Variants in EIF4E3 observed in about 807,000 individuals in gnomAD.
EIF4E3 encodes eukaryotic translation initiation factor 4E type 3.
EIF4E3 carries 26 observed loss-of-function variants against 31.7 expected under a neutral mutation model. The ratio of observed to expected loss-of-function variants is 0.82; its 90% CI spans 0.60 to 1.14. The LOEUF (loss-of-function observed/expected upper bound fraction) is 1.14. EIF4E3 is among the 50% of genes most tolerant of loss of function. The pLI is 0.00. For missense variants in EIF4E3, 304 were observed against 270.9 expected (o/e 1.12, Z -0.86); for synonymous variants, 128 against 107.7 (o/e 1.19, Z -1.17).
At chr3:71,752,126 T>G (rs2049935304) in intron 1 of EIF4E3, among the ~76,000 whole-genome samples, 1 of 152,166 alleles carries the variant, frequency 6.6e-6, no homozygotes, top group African/African-American at 2.4e-5. Context: ...ATATCCAAAC[T>G]GTCCCCAAGG....
chr3:71,665,221 T>C, the EIF4E3 span, among the ~76,000 whole-genome samples: 1 of 152,204 alleles, frequency 6.6e-6, no homozygotes, highest in South Asian at 2.1e-4. Context: ...AAAATTCAAA[T>C]ATGGAATAAA....
chr3:71,733,496 A>G (rs2049728526), intron 1 of EIF4E3, among the ~76,000 whole-genome samples: 1 of 152,192 alleles, frequency 6.6e-6, no homozygotes, highest in Admixed American at 6.5e-5. Context: ...CATATTTATG[A>G]CATAAGAAAT....
At chr3:71,713,290 C>A (rs1003154853) in intron 1 of EIF4E3, among the ~76,000 whole-genome samples, 1 of 152,160 alleles carries the variant, frequency 6.6e-6, no homozygotes, top group Non-Finnish European at 1.5e-5. Flanking sequence ...ATACAGGTGA[C>A]CCATTTGTGA....
At chr3:71,664,821 G>A in the EIF4E3 span, among the ~76,000 whole-genome samples, 1 of 152,288 alleles carries the variant, frequency 6.6e-6, no homozygotes, top group East Asian at 1.9e-4. Context: ...GTTGCAGTGA[G>A]CTGAGATCAC....
At chr3:71,692,804 A>T (rs889686895) in intron 5 of EIF4E3, among the ~76,000 whole-genome samples, 2 of 152,032 alleles carry the variant, frequency 1.3e-5, no homozygotes, top group Non-Finnish European at 2.9e-5. Context: ...TATGTTACGT[A>T]GGGTGGTTTT....
intron 6 of EIF4E3, among the ~76,000 whole-genome samples, chr3:71,687,258 T>A (rs1174353753): frequency 1.3e-5 from 2 of 152,162 alleles, no homozygotes; most frequent in Non-Finnish European, 2.9e-5. Flanking sequence ...TGCCTCGGCC[T>A]CCCAAAGTGC....
intron 1 of EIF4E3, among the ~76,000 whole-genome samples, chr3:71,751,942 T>G (rs893661742): frequency 6.6e-6 from 1 of 152,192 alleles, no homozygotes; most frequent in Non-Finnish European, 1.5e-5. Flanking sequence ...TACACGTTTT[T>G]TGCTACTAGT....
At chr3:71,710,849 C>T (rs796419492) in intron 1 of EIF4E3, among the ~76,000 whole-genome samples, 8 of 152,224 alleles carry the variant, frequency 5.3e-5, no homozygotes, top group African/African-American at 7.2e-5. Context: ...ATTGTACAGA[C>T]GACAACGAAA....
At chr3:71,722,789 G>A (rs922891084) in intron 1 of EIF4E3, among the ~76,000 whole-genome samples, 1 of 152,190 alleles carries the variant, frequency 6.6e-6, no homozygotes, top group African/African-American at 2.4e-5. Context: ...TGTGGGTATG[G>A]GGAGGGGTTG....
chr3:71,707,038 T>A (rs547157143), intron 2 of EIF4E3, among the ~76,000 whole-genome samples: 183 of 152,342 alleles, frequency 1.2e-3, no homozygotes, highest in African/African-American at 4.3e-3. Context: ...GGTGGTGCGA[T>A]CCAGAGTATA....
intron 2 of EIF4E3, among the ~76,000 whole-genome samples, chr3:71,700,630 A>AT: frequency 6.6e-6 from 1 of 151,602 alleles, no homozygotes. Context: ...AAAAAAAAAA[A>AT]AAATCAACCC....
chr3:71,736,098 G>A (rs1221606809), intron 1 of EIF4E3, among the ~76,000 whole-genome samples: 1 of 152,146 alleles, frequency 6.6e-6, no homozygotes, highest in Non-Finnish European at 1.5e-5. Flanking sequence ...TTAAAACAAT[G>A]AGATACCACT....
At chr3:71,753,668 GGCA>G (rs1207768184), upstream of EIF4E3, 168 of 141,810 alleles carry the variant, frequency 1.2e-3, 1 homozygote, top group Non-Finnish European at 2.0e-3. Context: ...CGGCGGCGGC[GGCA>G]GCGGCGGCAG....
Position 71,739,424 on chromosome 3 carries a change from A to T in EIF4E3, c.-290-10801T>A, listed in dbSNP as rs532847879. Among the ~76,000 whole-genome samples the T allele has an allele frequency of 3.3e-5, 5 of 152,302 alleles. No individual in the cohort carries two copies. In the East Asian group the frequency reaches 9.6e-4, roughly 29 times the overall value. On this transcript the variant is annotated intron_variant, in intron 1 of 7. Transcript: ENST00000295612. Reference sequence around the variant, plus strand: ...ATAAGAAATGTCACAGGCTGGGAGTAGTTGCTCATGCTTGTAATCCCAGTA... The same window carrying T: ...ATAAGAAATGTCACAGGCTGGGAGTTGTTGCTCATGCTTGTAATCCCAGTA...
At position 71,732,131 on chromosome 3, in the gene EIF4E3, C is replaced by T. The variant is rs2049712853; in HGVS notation, c.-290-3508G>A. Among the ~76,000 whole-genome samples, 4 of 152,100 alleles carry T rather than the reference C, an allele frequency of 2.6e-5. No individual in the cohort carries two copies. In the South Asian group the frequency reaches 6.2e-4, roughly 24 times the overall value. On this transcript the variant is annotated intron_variant, in intron 1 of 7. Coordinates refer to the EIF4E3 transcript ENST00000295612. ...GCACGGTGTCTGGCACATGGGAGAC[C>T]CAGCTTTACTGAATCAATGATGGGC...
chr3:71,745,176 T>C (rs2049858924), intron 1 of EIF4E3, among the ~76,000 whole-genome samples: 1 of 152,220 alleles, frequency 6.6e-6, no homozygotes, highest in African/African-American at 2.4e-5. Context: ...TTAACAACTG[T>C]TACAATTCTG....
At chr3:71,740,817 A>G (rs1267558525) in intron 1 of EIF4E3, among the ~76,000 whole-genome samples, 1 of 152,244 alleles carries the variant, frequency 6.6e-6, no homozygotes, top group Admixed American at 6.5e-5. Flanking sequence ...TTAAAGGAAC[A>G]AAAGAATTGT....
chr3:71,674,521 A>ATCCC (rs2048862528), downstream of EIF4E3, among the ~76,000 whole-genome samples: 1 of 152,196 alleles, frequency 6.6e-6, no homozygotes, highest in Non-Finnish European at 1.5e-5. Context: ...AGTGCACAGA[A>ATCCC]CTCAAGTAAA....
intron 6 of EIF4E3, 32 bp downstream of exon 6, chr3:71,689,978 T>A: frequency 6.4e-7 from 1 of 1,563,308 alleles, no homozygotes. Context: ...TAGAGTAAGC[T>A]AGAAAGTAAT....
Sources: gnomAD v4.1 joint callset for allele counts (sites outside exome capture counted in the v4.1 genomes callset) on GRCh38, gnomAD v4.1.1 for gene constraint, MANE v1.5 for transcripts, NCBI Gene and HGNC (gene_info 2026-07-23, HGNC 2026-07-21) for gene names.